RGS10: variants seen among roughly 807,000 people sequenced by gnomAD.
RGS10 encodes the protein regulator of G-protein signalling 10.
In RGS10, 11 loss-of-function variants were observed where a neutral mutation model predicts 23.5. The ratio of observed to expected loss-of-function variants is 0.47; its 90% CI spans 0.29 to 0.77. RGS10 has a LOEUF of 0.77. Ranked by LOEUF, RGS10 falls within the 30% of genes least tolerant of loss-of-function variation. RGS10 has a pLI of 0.08. For missense variants in RGS10, 180 were observed against 226.3 expected, an observed-to-expected ratio of 0.80 and a Z score of 1.31; for synonymous variants, 77 against 83.2, an observed-to-expected ratio of 0.92 and a Z score of 0.41.
At chr10:119,529,024 T>A (rs1329739216) in intron 1 of RGS10, among the ~76,000 whole-genome samples, 1 of 152,096 alleles carries the variant, frequency 6.6e-6, no homozygotes, top group Non-Finnish European at 1.5e-5. Flanking sequence ...ACAGGGAATC[T>A]CCAAATAACA....
chr10:119,526,111 A>T lies in RGS10; in HGVS notation c.176T>A (p.Leu59Ter). 2.0e-6 allele frequency: 3 copies of T among 1,538,008 alleles called. No individual in the cohort carries two copies. Among genetic ancestry groups the T allele is most frequent in the Admixed American group, 1.9e-5 (1 of 53,842 alleles). ...ATTTTCTTCACTGAATTCCTTTTTT[A>T]AAAATTCCTGTGGATACAAAGAAAA... is the stretch of plus-strand genomic sequence containing the variant. ...PEGVKRFREF[L>*]KKEFSEENVL... Residue 59 changes from leucine to a stop codon, truncating the protein, a stop_gained, in exon 3 of 5, where the codon TTA (leucine) becomes TAA (stop). Coordinates refer to ENST00000369103, the MANE Select transcript of RGS10 (RefSeq NM_001005339.2). LOFTEE classifies it high-confidence loss of function.
intron 4 of RGS10, among the ~76,000 whole-genome samples, chr10:119,507,998 G>T (rs1365686902): frequency 6.6e-6 from 1 of 151,896 alleles, no homozygotes; most frequent in Non-Finnish European, 1.5e-5. Flanking sequence ...AACTCTGCTT[G>T]TGTATTTATT....
rs1335317802 is a variant in RGS10, at chr10:119,517,702, G to A, written c.256-2050C>T. On this transcript the variant is annotated intron_variant, in intron 3 of 4. Transcript: ENST00000369103. The surrounding 1 kb of genome is among the most constrained non-coding windows in gnomAD (Gnocchi z 5.0). Reference sequence around the variant, plus strand: ...CACACACGCACACACGTGCACACACGCACACACATACACACATGAATCCAG... The same window carrying A: ...CACACACGCACACACGTGCACACACACACACACATACACACATGAATCCAG... Among the ~76,000 whole-genome samples, 5 of 152,094 alleles carry A rather than the reference G, an allele frequency of 3.3e-5. No homozygotes were observed. The highest frequency in any genetic ancestry group is 7.4e-5 in the Non-Finnish European group (5 of 68,018).
chr10:119,539,730 C>T (rs898230678), intron 1 of RGS10, among the ~76,000 whole-genome samples: 2 of 152,142 alleles, frequency 1.3e-5, no homozygotes, highest in Non-Finnish European at 2.9e-5. Flanking sequence ...GGAAATCCCA[C>T]TCTGAACCTT....
At chr10:119,508,368 A>C (rs1328235790) in intron 4 of RGS10, among the ~76,000 whole-genome samples, 1 of 152,040 alleles carries the variant, frequency 6.6e-6, no homozygotes, top group Non-Finnish European at 1.5e-5. Context: ...GCACCCCACA[A>C]CCCCAAACCC....
chr10:119,519,452 CCT>C (rs1159275914), intron 3 of RGS10, among the ~76,000 whole-genome samples: 2 of 142,252 alleles, frequency 1.4e-5, no homozygotes. Flanking sequence ...TCCCCCAGCT[CCT>C]GTCTCCCTGT....
chr10:119,518,086 G>A (rs4752321), intron 3 of RGS10, among the ~76,000 whole-genome samples: 2 of 152,246 alleles, frequency 1.3e-5, no homozygotes, highest in Non-Finnish European at 2.9e-5. Flanking sequence ...GAAACAGTCT[G>A]TGGAGCTATT....
chr10:119,535,917 A>G (rs1195509558), intron 1 of RGS10, among the ~76,000 whole-genome samples: 1 of 152,218 alleles, frequency 6.6e-6, no homozygotes, highest in Non-Finnish European at 1.5e-5. Context: ...CACAAAACTT[A>G]TTTAAAACCT....
At chr10:119,539,667 C>G (rs1364037201) in intron 1 of RGS10, among the ~76,000 whole-genome samples, 1 of 152,150 alleles carries the variant, frequency 6.6e-6, no homozygotes, top group Non-Finnish European at 1.5e-5. Context: ...TCAAAGCCCT[C>G]CTGAACCCAC....
chr10:119,500,178 C>T lies in RGS10; in HGVS notation c.481G>A (p.Glu161Lys), dbSNP rs376865775. The change falls in exon 5 of 5, where the codon GAG becomes AAG. Residue 161 changes from glutamate to lysine, a missense_variant. Physicochemically the swap from Glu to Lys is moderately conservative, Grantham distance 56. Coordinates refer to ENST00000369103, the MANE Select transcript of RGS10 (RefSeq NM_001005339.2). The stretch of plus-strand genomic sequence containing the variant: ...TGAGCATCAGGCAAATCTTCTTCCT[C>T]TTCCTCGGTTCGCTTGTGTTTTAAA... ...LFLKHKRTEE[E>K]EEDLPDAQTA... The T allele has an allele frequency of 6.2e-7, 1 of 1,614,134 alleles. No homozygotes were observed. The highest frequency in any genetic ancestry group is 1.7e-5 in the Admixed American group (1 of 60,014).
chr10:119,511,563 G>A (rs1370814040), intron 4 of RGS10, among the ~76,000 whole-genome samples: 2 of 152,174 alleles, frequency 1.3e-5, no homozygotes, highest in South Asian at 2.1e-4. Flanking sequence ...AGGCTGCAGT[G>A]AGCAGAGATG....
intron 4 of RGS10, among the ~76,000 whole-genome samples, chr10:119,503,792 C>T (rs1282118475): frequency 2.0e-5 from 3 of 152,208 alleles, no homozygotes; most frequent in African/African-American, 4.8e-5. Context: ...CCCCGGTGCA[C>T]GTGTGTCCTT....
chr10:119,534,302 AAT>A (rs869303547), intron 1 of RGS10, among the ~76,000 whole-genome samples: 24 of 88,890 alleles, frequency 2.7e-4, no homozygotes, highest in African/African-American at 3.8e-4. Context: ...TAAATAAATA[AAT>A]AAAAAAGGCC....
At chr10:119,534,367 C>T (rs1274475006) in intron 1 of RGS10, among the ~76,000 whole-genome samples, 1 of 151,442 alleles carries the variant, frequency 6.6e-6, no homozygotes, top group South Asian at 2.1e-4. Flanking sequence ...CCGAGGCAGG[C>T]GGATCACGAG....
intron 3 of RGS10, among the ~76,000 whole-genome samples, chr10:119,518,518 T>C (rs1237453115): frequency 6.6e-6 from 1 of 152,126 alleles, no homozygotes; most frequent in Non-Finnish European, 1.5e-5. Context: ...AAATTCACTT[T>C]CCTATCAGCC....
At chr10:119,508,116 G>A (rs1844036036) in intron 4 of RGS10, among the ~76,000 whole-genome samples, 1 of 152,088 alleles carries the variant, frequency 6.6e-6, no homozygotes, top group Non-Finnish European at 1.5e-5. Flanking sequence ...TCCTGCCTCA[G>A]CCTCCTGAGT....
At chr10:119,518,144 C>T (rs527446762) in intron 3 of RGS10, among the ~76,000 whole-genome samples, 29 of 152,312 alleles carry the variant, frequency 1.9e-4, no homozygotes, top group Admixed American at 1.6e-3. Flanking sequence ...AGCTACTGTC[C>T]GGGTAGGAAC....
chr10:119,530,304 T>G (rs955322602), intron 1 of RGS10, among the ~76,000 whole-genome samples: 2 of 152,154 alleles, frequency 1.3e-5, no homozygotes, highest in African/African-American at 2.4e-5. Context: ...TCAAAATACA[T>G]GTTGACTTCT....
chr10:119,509,037 G>A (rs772971705), intron 4 of RGS10, among the ~76,000 whole-genome samples: 22 of 152,204 alleles, frequency 1.4e-4, no homozygotes, highest in Non-Finnish European at 2.2e-4. Context: ...GGAGGTCAAG[G>A]CTACAGTGAG....
Sources: allele counts gnomAD v4.1 joint callset (sites outside exome capture counted in the v4.1 genomes callset), GRCh38; gene constraint gnomAD v4.1.1; non-coding constraint Gnocchi (gnomAD v3.1); transcripts MANE v1.5; gene names NCBI Gene and HGNC (gene_info 2026-07-23, HGNC 2026-07-21).